GAB2: variants seen among roughly 807,000 people sequenced by gnomAD.
The protein encoded by GAB2 is GRB2 associated binding protein 2, also known as GRB2-associated-binding protein 2.
A neutral mutation model predicts 65.5 loss-of-function variants in GAB2; 26 were observed. That is an observed-to-expected ratio of 0.40 (90% CI 0.29 to 0.55). The LOEUF (loss-of-function observed/expected upper bound fraction) is 0.55, where lower values mean the gene tolerates loss of function less well. Among genes scored for constraint, GAB2 ranks in the 20% least tolerant of loss-of-function variants. The pLI is 0.53. For synonymous variants in GAB2, 321 were observed against 329.6 expected (o/e 0.97, Z 0.28); for missense variants, 884 against 875.8 (o/e 1.01, Z -0.12).
intron 1 of GAB2, among the ~76,000 whole-genome samples, chr11:78,373,518 G>T (rs373409360): frequency 4.3e-4 from 66 of 152,172 alleles, no homozygotes; most frequent in African/African-American, 1.5e-3. Context: ...GATTACAGGC[G>T]TGAGCCACCA....
intron 1 of GAB2, among the ~76,000 whole-genome samples, chr11:78,330,810 G>C (rs975395443): frequency 6.6e-6 from 1 of 151,696 alleles, no homozygotes; most frequent in Non-Finnish European, 1.5e-5. Context: ...TTTCTTAATG[G>C]AACTGTGGAA....
At chr11:78,309,971 T>TGTGTGTGCGCGCGCGC (rs1421836447) in intron 1 of GAB2, among the ~76,000 whole-genome samples, 3 of 120,090 alleles carry the variant, frequency 2.5e-5, no homozygotes, top group African/African-American at 1.1e-4. Flanking sequence ...TGTGTGTGTG[T>TGTGTGTGCGCGCGCGC]GCGCGCGCGC....
intron 1 of GAB2, among the ~76,000 whole-genome samples, chr11:78,310,440 G>A (rs191654291): frequency 6.6e-6 from 1 of 150,694 alleles, no homozygotes. Flanking sequence ...GTGAACCTGG[G>A]AGGCGGAGCT....
chr11:78,250,128 C>A, intron 3 of GAB2, 29 bp downstream of exon 3: 1 of 1,610,130 alleles, frequency 6.2e-7, no homozygotes, highest in Non-Finnish European at 8.5e-7. Context: ...CGGTCACTAA[C>A]CCACCTAATG....
chr11:78,406,420 C>A (rs1857045138), intron 1 of GAB2, among the ~76,000 whole-genome samples: 1 of 151,716 alleles, frequency 6.6e-6, no homozygotes, highest in Non-Finnish European at 1.5e-5. Context: ...CTCTGTTGCC[C>A]AGGTTGGAGT....
intron 1 of GAB2, among the ~76,000 whole-genome samples, chr11:78,397,267 C>T (rs554277074): frequency 1.6e-4 from 25 of 152,250 alleles, no homozygotes; most frequent in Admixed American, 2.6e-4. Context: ...GGCAATATAA[C>T]CAATCCTGAG....
chr11:78,354,386 T>TA (rs1856325465), intron 1 of GAB2, among the ~76,000 whole-genome samples: 1 of 152,174 alleles, frequency 6.6e-6, no homozygotes, highest in South Asian at 2.1e-4. Context: ...GTACAGACCA[T>TA]ATGTACTGTA....
intron 1 of GAB2, among the ~76,000 whole-genome samples, chr11:78,339,014 C>G (rs1309583756): frequency 1.3e-5 from 2 of 152,118 alleles, no homozygotes; most frequent in African/African-American, 4.8e-5. Context: ...CCTCCGCCTC[C>G]CAGGTTCAAG....
At position 78,225,182 on chromosome 11, in the gene GAB2, C is replaced by T. The variant is rs367695901; in HGVS notation, c.1228G>A (p.Glu410Lys). 467 of 1,611,188 alleles carry T rather than the reference C, an allele frequency of 2.9e-4. 7 individuals are homozygous for T. The South Asian group carries it at 4.6e-3, about 16-fold the overall frequency. ...LHRASSCETY[E>K]YPQRGGESAG... is the part of the protein sequence containing the mutation. ...CTCTCTCCACCACGCTGTGGGTACT[C>T]GTAGGTCTCACAGGAAGAAGCTGAC... The change falls in exon 5 of 10, where the codon GAG becomes AAG. Residue 410 changes from glutamate (E) to lysine (K), a missense_variant. Coordinates refer to ENST00000361507, the MANE Select transcript of GAB2 (RefSeq NM_080491.3).
intron 1 of GAB2, among the ~76,000 whole-genome samples, chr11:78,313,852 G>T (rs373518492): frequency 1.3e-5 from 2 of 152,228 alleles, no homozygotes; most frequent in African/African-American, 2.4e-5. Flanking sequence ...TGAAAATAAG[G>T]TATCAGTACA....
rs567822009 is a variant in GAB2 at position 78,409,156 on chromosome 11, C to G, written c.75+8490G>C. 9.3e-4 allele frequency among the ~76,000 whole-genome samples: 141 copies of G among 152,122 alleles called. 1 individual carries two copies. Among genetic ancestry groups the G allele is most frequent in the African/African-American group, 3.3e-3 (137 of 41,482 alleles). ...ATAGGCTATAATATATCAAGTAGCC[C>G]TCAGATACTTGTATAATATATCAGA... On this transcript the variant is annotated intron_variant, in intron 1 of 9. Coordinates refer to ENST00000361507, the MANE Select transcript of GAB2 (RefSeq NM_080491.3).
At chr11:78,361,411 C>A (rs1056732425) in intron 1 of GAB2, among the ~76,000 whole-genome samples, 1 of 151,688 alleles carries the variant, frequency 6.6e-6, no homozygotes, top group African/African-American at 2.4e-5. Flanking sequence ...ACGGACACAC[C>A]CCCCCACACC....
At chr11:78,392,097 G>C (rs546734984) in intron 1 of GAB2, 2 of 152,204 alleles carry the variant, frequency 1.3e-5, no homozygotes, top group South Asian at 4.2e-4. Flanking sequence ...AATTAGCTGA[G>C]CGTGGTGGTG....
Position 78,226,620 on chromosome 11 carries a change from G to GGGGGGCGC in GAB2, c.1051_1052insGCGCCCCC (p.Pro351ArgfsTer79). 6.7e-7 allele frequency: 1 copy of GGGGGGCGC among 1,500,580 alleles called. No homozygotes were observed. The highest frequency in any genetic ancestry group is 9.3e-7 in the Non-Finnish European group (1 of 1,079,042). 93.0% of individuals were successfully genotyped at this position (1,500,580 alleles called of 1,614,324 possible). A position where few individuals can be genotyped will look rare whatever the true frequency, so the allele number is the denominator to read the frequency against. On this transcript the variant is annotated frameshift_variant, in exon 4 of 10. Transcript: ENST00000361507. LOFTEE classifies it high-confidence loss of function. ...ACTTGGCTTGGGGGGGCGGGGTGGGGGAGCTATGGCTGAGTCCCCAGGAGT... is the reference window on the plus strand; with the variant it reads ...ACTTGGCTTGGGGGGGCGGGGTGGGGGGGGGCGCGAGCTATGGCTGAGTCCCCAGGAGT...
At chr11:78,274,518 G>A (rs1051477765) in intron 2 of GAB2, among the ~76,000 whole-genome samples, 2 of 152,188 alleles carry the variant, frequency 1.3e-5, no homozygotes, top group Admixed American at 6.5e-5. Context: ...CCATGGAGAA[G>A]CAGAAGCATG....
chr11:78,268,865 G>C (rs948497266), intron 2 of GAB2, among the ~76,000 whole-genome samples: 3 of 151,970 alleles, frequency 2.0e-5, no homozygotes, highest in Non-Finnish European at 2.9e-5. Flanking sequence ...CAAGGTTGGA[G>C]TTTGTTCTAG....
intron 1 of GAB2, among the ~76,000 whole-genome samples, chr11:78,345,703 C>T (rs1856169130): frequency 6.6e-6 from 1 of 152,092 alleles, no homozygotes; most frequent in African/African-American, 2.4e-5. Context: ...TTTGAGAGTC[C>T]ACAGAATTTT....
At chr11:78,240,941 CTG>C (rs1865116489) in intron 3 of GAB2, among the ~76,000 whole-genome samples, 1 of 152,220 alleles carries the variant, frequency 6.6e-6, no homozygotes, top group South Asian at 2.1e-4. Flanking sequence ...TCATGAGACT[CTG>C]AGCTTAGAAA....
rs1491587604 is a variant in GAB2 at position 78,300,684 on chromosome 11, G to GTT, written c.76-19784_76-19783insAA. Reference sequence around the variant, plus strand: ...ATCTCACTGTGTGGTTTTTTTTTTTGGTTTTTTTTTGTTTTTTTTTTTTTT... The same window carrying GTT: ...ATCTCACTGTGTGGTTTTTTTTTTTGTTGTTTTTTTTTGTTTTTTTTTTTTTT... On this transcript the variant is annotated intron_variant, in intron 1 of 9. Coordinates refer to ENST00000361507, the MANE Select transcript of GAB2 (RefSeq NM_080491.3). 7.5e-5 allele frequency among the ~76,000 whole-genome samples: 10 copies of GTT among 134,026 alleles called. 1 individual carries two copies. Among genetic ancestry groups the GTT allele is most frequent in the African/African-American group, 3.0e-4 (10 of 33,268 alleles). 87.9% of individuals were successfully genotyped at this position (134,026 alleles called of 152,430 possible). A position where few individuals can be genotyped will look rare whatever the true frequency, so the allele number is the denominator to read the frequency against.
Sources: gnomAD v4.1 joint callset for allele counts (sites outside exome capture counted in the v4.1 genomes callset) on GRCh38, gnomAD v4.1.1 for gene constraint, MANE v1.5 for transcripts, NCBI Gene and HGNC (gene_info 2026-07-23, HGNC 2026-07-21) for gene names.